The following VWDE variants were observed in gnomAD, a reference collection of about 807,000 sequenced individuals.
The protein encoded by VWDE is von Willebrand factor D and EGF domains.
VWDE carries 207 observed loss-of-function variants against 178.4 expected under a neutral mutation model. That is an observed-to-expected ratio of 1.16 (90% confidence interval 1.04 to 1.30). VWDE has a LOEUF of 1.30. Among genes scored for constraint, VWDE ranks in the 50% most tolerant of loss-of-function variants. The probability of loss-of-function intolerance (pLI) is 0.00; values close to 1 mark genes in which losing one functional copy is unlikely to be tolerated. For missense variants in VWDE, 2,287 were observed against 1,901.3 expected, an observed-to-expected ratio of 1.20 and a Z score of -3.77; for synonymous variants, 738 against 651.4, an observed-to-expected ratio of 1.13 and a Z score of -2.02.
intron 16 of VWDE, 36 bp downstream of exon 16, chr7:12,359,542 T>C (rs1281267768): frequency 1.4e-5 from 19 of 1,379,394 alleles, no homozygotes; most frequent in Non-Finnish European, 1.9e-5. Context: ...AAATGTCTTG[T>C]ATAGGAAATA....
At chr7:12,358,869 A>T (rs1027043671) in intron 16 of VWDE, among the ~76,000 whole-genome samples, 1 of 152,192 alleles carries the variant, frequency 6.6e-6, no homozygotes, top group Non-Finnish European at 1.5e-5. Flanking sequence ...TGAGTCTTAA[A>T]CCTAAGCAGT....
intron 2 of VWDE, among the ~76,000 whole-genome samples, chr7:12,392,692 G>C (rs561620575): frequency 6.6e-6 from 1 of 151,430 alleles, no homozygotes; most frequent in African/African-American, 2.4e-5. Context: ...AAATGTATTT[G>C]TCAAATGAAA....
intron 13 of VWDE, among the ~76,000 whole-genome samples, chr7:12,362,448 C>G (rs1471469485): frequency 2.0e-5 from 3 of 152,082 alleles, no homozygotes; most frequent in East Asian, 3.9e-4. Flanking sequence ...CTCAGTGACA[C>G]ATTATGCTTA....
intron 1 of VWDE, among the ~76,000 whole-genome samples, chr7:12,394,046 A>C (rs570006704): frequency 2.3e-4 from 35 of 152,278 alleles, no homozygotes; most frequent in African/African-American, 7.9e-4. Flanking sequence ...TTTTCATTTA[A>C]TTCGAACAAC....
intron 19 of VWDE, among the ~76,000 whole-genome samples, chr7:12,344,960 A>T (rs1339208172): frequency 6.6e-6 from 1 of 152,112 alleles, no homozygotes; most frequent in Admixed American, 6.6e-5. Context: ...CTATATTGAC[A>T]TCTTTTATCT....
intron 13 of VWDE, among the ~76,000 whole-genome samples, chr7:12,362,864 G>A (rs1176344261): frequency 2.6e-5 from 4 of 152,048 alleles, no homozygotes; most frequent in Non-Finnish European, 5.9e-5. Flanking sequence ...TGATTTCTCA[G>A]AGTAGTCATG....
At chr7:12,367,720 T>C (rs1381098063) in intron 12 of VWDE, among the ~76,000 whole-genome samples, 3 of 152,062 alleles carry the variant, frequency 2.0e-5, no homozygotes, top group African/African-American at 7.2e-5. Flanking sequence ...CTACCAGTCC[T>C]AAAATCACAG....
Position 12,341,490 on chromosome 7 carries a change from G to T in VWDE, c.4270+569C>A, listed in dbSNP as rs12537759. ...CTACTAAAAATACAAAAATTAGCTA[G>T]GCATGGTGGCATGCTCCTGTAATCC... On this transcript the variant is annotated intron_variant, in intron 23 of 28. Coordinates refer to ENST00000275358, the MANE Select transcript of VWDE (RefSeq NM_001135924.3). Among the ~76,000 whole-genome samples the T allele has an allele frequency of 5.4e-3, 828 of 152,108 alleles. 4 individuals are homozygous for T. Among genetic ancestry groups the T allele is most frequent in the Middle Eastern group, 0.034 (10 of 294 alleles).
intron 10 of VWDE, 21 bp downstream of exon 10, chr7:12,372,956 A>T: frequency 6.5e-7 from 1 of 1,538,520 alleles, no homozygotes; most frequent in East Asian, 2.4e-5. Context: ...AATACTTTCA[A>T]TGTTAAAGAA....
intron 19 of VWDE, among the ~76,000 whole-genome samples, chr7:12,347,819 A>C (rs1005163800): frequency 6.6e-6 from 1 of 152,056 alleles, no homozygotes; most frequent in African/African-American, 2.4e-5. Flanking sequence ...CCTGACTTCA[A>C]ACTATACTAC....
intron 28 of VWDE, 110 bp downstream of exon 28, chr7:12,333,355 T>G (rs1262100534): frequency 1.4e-6 from 1 of 727,980 alleles, no homozygotes; most frequent in Non-Finnish European, 2.1e-6. Context: ...ATAAATGCTT[T>G]TTTTATTTTG....
chr7:12,344,119 G>A lies in VWDE; in HGVS notation c.4078+76C>T, dbSNP rs1781472648. On this transcript the variant is annotated intron_variant, in intron 21 of 28. Transcript: ENST00000275358. ...AATATATACACAGTAAAACTGAATTGTCTTGTAAAATGGTTTTTAAAGAAA... is the reference window on the plus strand; with the variant it reads ...AATATATACACAGTAAAACTGAATTATCTTGTAAAATGGTTTTTAAAGAAA... 4.1e-6 allele frequency: 5 copies of A among 1,232,492 alleles called. No homozygotes were observed. The Admixed American group carries it at 8.4e-5, about 21-fold the overall frequency. The allele number at this position is 1,232,492 out of a possible 1,614,324, so 76.3% of individuals were successfully genotyped here.
intron 28 of VWDE, among the ~76,000 whole-genome samples, chr7:12,332,814 AT>A (rs1780799158): frequency 6.6e-6 from 1 of 152,166 alleles, no homozygotes; most frequent in South Asian, 2.1e-4. Context: ...CAAGAAGAAA[AT>A]TTCTAATCAG....
chr7:12,384,211 GAAACTTAA>G (rs1562510957), intron 3 of VWDE, among the ~76,000 whole-genome samples: 2 of 152,098 alleles, frequency 1.3e-5, no homozygotes, highest in Non-Finnish European at 2.9e-5. Flanking sequence ...AGACATGTAG[GAAACTTAA>G]ATGAGTATTA....
chr7:12,400,618 A>G (rs1289965103), intron 1 of VWDE, among the ~76,000 whole-genome samples: 1 of 152,138 alleles, frequency 6.6e-6, no homozygotes, highest in Non-Finnish European at 1.5e-5. Flanking sequence ...TCTACCAAAC[A>G]TTTCAAAAAG....
At chr7:12,354,649 T>A (rs1364017373) in intron 18 of VWDE, among the ~76,000 whole-genome samples, 2 of 152,260 alleles carry the variant, frequency 1.3e-5, no homozygotes, top group Non-Finnish European at 2.9e-5. Flanking sequence ...TAAAACTTAC[T>A]GTATAATCAA....
intron 18 of VWDE, among the ~76,000 whole-genome samples, chr7:12,355,296 G>A (rs1415941877): frequency 6.6e-6 from 1 of 151,716 alleles, no homozygotes; most frequent in African/African-American, 2.4e-5. Context: ...GGCGCCTGTA[G>A]TCCCAGCCAC....
chr7:12,360,514 T>C (rs1163136715), intron 15 of VWDE, among the ~76,000 whole-genome samples: 2 of 152,150 alleles, frequency 1.3e-5, no homozygotes, highest in African/African-American at 4.8e-5. Context: ...GAAAAAATAA[T>C]ACTTTAAAAT....
chr7:12,380,215 G>C (rs1386802096), intron 5 of VWDE, among the ~76,000 whole-genome samples: 1 of 151,018 alleles, frequency 6.6e-6, no homozygotes, highest in Non-Finnish European at 1.5e-5. Flanking sequence ...ATATGTGTAA[G>C]AACTTAAAGT....
Sources: gnomAD v4.1 joint callset for allele counts (sites outside exome capture counted in the v4.1 genomes callset) on GRCh38, gnomAD v4.1.1 for gene constraint, MANE v1.5 for transcripts, NCBI Gene and HGNC (gene_info 2026-07-23, HGNC 2026-07-21) for gene names.